PGS1: variants seen among roughly 807,000 people sequenced by gnomAD.
PGS1 encodes the protein CDP-diacylglycerol--glycerol-3-phosphate 3-phosphatidyltransferase, mitochondrial.
PGS1 carries 44 observed loss-of-function variants against 58.3 expected under a neutral mutation model. That is an observed-to-expected ratio of 0.75 (90% confidence interval 0.59 to 0.97). The LOEUF is 0.97. Ranked by LOEUF, PGS1 falls within the 50% of genes least tolerant of loss-of-function variation. The pLI, the probability that PGS1 is intolerant of heterozygous loss-of-function variation, is 0.00. For missense variants in PGS1, 684 were observed against 731.1 expected (o/e 0.94, Z 0.74); for synonymous variants, 330 against 311.0 (o/e 1.06, Z -0.64).
rs763687164 is a variant in PGS1 at position 78,400,737 on chromosome 17, CTG to C, written c.765_766del (p.Ala256GlyfsTer49). The C allele has an allele frequency of 6.2e-7, 1 of 1,613,976 alleles. No individual in the cohort carries two copies. Among genetic ancestry groups the C allele is most frequent in the Non-Finnish European group, 8.5e-7 (1 of 1,180,010 alleles). ...AGGACCGCTACGTGTTCCTGCAGGA[CTG>C]TGCGGAGATTGCCGACTTCTTCACG... ...RQDRYVFLQD[C>X]AEIADFFTEL... On this transcript the variant is annotated frameshift_variant, in exon 6 of 10. Coordinates refer to ENST00000262764, the MANE Select transcript of PGS1 (RefSeq NM_024419.5). LOFTEE classifies it high-confidence loss of function. This position sits in a 1 kb window ranked among gnomAD's most constrained non-coding sequence, Gnocchi z 4.4.
chr17:78,406,242 C>T (rs567592419), intron 7 of PGS1, among the ~76,000 whole-genome samples: 151 of 152,148 alleles, frequency 9.9e-4, no homozygotes, highest in African/African-American at 1.6e-3. Context: ...GGCGTGAACC[C>T]GGGAGGTGGA....
intron 4 of PGS1, 21 bp from the exon 5 acceptor site, chr17:78,399,327 G>C (rs529079791): frequency 3.7e-6 from 6 of 1,604,434 alleles, no homozygotes; most frequent in Non-Finnish European, 5.1e-6. Flanking sequence ...GTCAGGTGCC[G>C]TTTTCTCTGT....
At chr17:78,404,293 T>C (rs1465859487) in intron 7 of PGS1, among the ~76,000 whole-genome samples, 1 of 150,734 alleles carries the variant, frequency 6.6e-6, no homozygotes, top group Non-Finnish European at 1.5e-5. Flanking sequence ...TTTTTTTTTT[T>C]TTTTTTTTGT....
chr17:78,401,794 A>G (rs1598319859), intron 6 of PGS1, among the ~76,000 whole-genome samples: 1 of 152,306 alleles, frequency 6.6e-6, no homozygotes, highest in East Asian at 1.9e-4. Context: ...GGAGCTCTGT[A>G]TCTCTCTTGC....
At position 78,395,676 on chromosome 17, in the gene PGS1, C is replaced by T. The variant is rs891047176; in HGVS notation, c.334-632C>T. The stretch of plus-strand genomic sequence containing the variant: ...TCTGCTCATGTGTCTATATACCTGT[C>T]CATCTATGTTTCAAGAGTGATTCGT... On this transcript the variant is annotated intron_variant, in intron 2 of 9. Coordinates refer to ENST00000262764, the MANE Select transcript of PGS1 (RefSeq NM_024419.5). Among the ~76,000 whole-genome samples the T allele has an allele frequency of 2.0e-5, 3 of 152,172 alleles. 1 individual carries two copies. The highest frequency in any genetic ancestry group is 2.0e-4 in the Admixed American group (3 of 15,274).
intron 1 of PGS1, among the ~76,000 whole-genome samples, chr17:78,387,124 C>T (rs1485458292): frequency 6.6e-6 from 1 of 152,210 alleles, no homozygotes; most frequent in African/African-American, 2.4e-5. Context: ...CTGACTCAGC[C>T]TCCCGAGTAG....
intron 9 of PGS1, chr17:78,423,708 A>G (rs1340221459): frequency 1.5e-6 from 1 of 645,248 alleles, no homozygotes; most frequent in Non-Finnish European, 2.6e-6. Flanking sequence ...GAGTGGCTCC[A>G]CTGGCTTTAA....
chr17:78,379,921 C>T (rs778181886), intron 1 of PGS1, among the ~76,000 whole-genome samples: 4 of 150,236 alleles, frequency 2.7e-5, no homozygotes, highest in Admixed American at 6.6e-5. Flanking sequence ...GACTGGAGTG[C>T]AATGGCGCAA....
chr17:78,402,019 A>AG (rs2083709735), intron 6 of PGS1, among the ~76,000 whole-genome samples: 3 of 146,816 alleles, frequency 2.0e-5, no homozygotes, highest in Non-Finnish European at 4.5e-5. Flanking sequence ...TGCTTGGGAG[A>AG]ATGAGTCCAC....
At position 78,392,529 on chromosome 17, in the gene PGS1, C is replaced by T; in HGVS notation, c.197C>T (p.Thr66Ile). 2 of 1,614,128 alleles carry T rather than the reference C, an allele frequency of 1.2e-6. No individual in the cohort carries two copies. The highest frequency in any genetic ancestry group is 2.2e-5 in the South Asian group (2 of 91,080). Residue 66 changes from threonine (T) to isoleucine (I), a missense_variant, in exon 2 of 10, where the codon ACC (threonine) becomes ATC (isoleucine). Transcript: ENST00000262764. ...CTGTCCCCAGCTGTTCCCCAGGTCA[C>T]CTCCCCACCTTGCTGCCTGTGTCCA... ...PLLSPAVPQVTSPPCCLCPEG... is the reference protein window; with the variant it reads ...PLLSPAVPQVISPPCCLCPEG...
intron 6 of PGS1, among the ~76,000 whole-genome samples, chr17:78,401,259 C>T (rs567814650): frequency 1.4e-4 from 22 of 152,266 alleles, no homozygotes; most frequent in African/African-American, 4.8e-4. Flanking sequence ...CAGCAATGAA[C>T]ACGTGTGCCT....
intron 3 of PGS1, 165 bp from the exon 4 acceptor site, chr17:78,398,087 C>T (rs751309119): frequency 2.8e-6 from 2 of 706,876 alleles, no homozygotes; most frequent in African/African-American, 1.7e-5. Flanking sequence ...CATGAAGGTG[C>T]TCTCAGACAG....
intron 3 of PGS1, among the ~76,000 whole-genome samples, chr17:78,397,441 CT>C (rs111557410): frequency 8.0e-4 from 80 of 100,274 alleles, no homozygotes; most frequent in Admixed American, 1.2e-3. Context: ...AGGCCTCCCT[CT>C]TTTTTTTTTT....
In PGS1 at chr17:78,420,127, T is replaced by C. The variant is rs750028009; in HGVS notation, c.*10+452T>C. 9.8e-5 allele frequency: 101 copies of C among 1,033,616 alleles called. 1 individual carries two copies. The highest frequency in any genetic ancestry group is 2.4e-4 in the South Asian group (7 of 29,048). The allele number at this position is 1,033,616 out of a possible 1,614,324, so 64.0% of individuals were successfully genotyped here. A position where few individuals can be genotyped will look rare whatever the true frequency, so the allele number is the denominator to read the frequency against. On this transcript the variant is annotated intron_variant, in intron 9 of 9. Coordinates refer to ENST00000262764, the MANE Select transcript of PGS1 (RefSeq NM_024419.5). ...GCTCTGGCTTGCTGCCCTGGCCGGC[T>C]GTAGTGCACAGGGTGGGGCGTCGGT...
chr17:78,394,458 A>C (rs1471486925), intron 2 of PGS1, among the ~76,000 whole-genome samples: 4 of 151,748 alleles, frequency 2.6e-5, no homozygotes, highest in Non-Finnish European at 5.9e-5. Flanking sequence ...TGCTCTGCTC[A>C]CCTGTCCTTG....
At chr17:78,403,320 A>C (rs563566379) in intron 6 of PGS1, among the ~76,000 whole-genome samples, 1 of 151,730 alleles carries the variant, frequency 6.6e-6, no homozygotes. Flanking sequence ...AATTGGAATG[A>C]TACGTCGACA....
At chr17:78,386,954 G>GTGA (rs759074948) in intron 1 of PGS1, among the ~76,000 whole-genome samples, 231 of 151,200 alleles carry the variant, frequency 1.5e-3, no homozygotes, top group Middle Eastern at 0.014. Context: ...GGTGATGATG[G>GTGA]TGATGATGAT....
chr17:78,378,949 C>A, intron 1 of PGS1, 141 bp downstream of exon 1: 2 of 936,194 alleles, frequency 2.1e-6, no homozygotes, highest in Non-Finnish European at 2.9e-6. Flanking sequence ...CCTCCCGGGG[C>A]TCGGCGCCTG....
chr17:78,424,102 T>G lies in PGS1; in HGVS notation c.*52T>G. On this transcript the variant is annotated 3_prime_UTR_variant, in exon 10 of 10. Transcript: ENST00000262764. ...GATGACAGGCATGGCCGGGGTCAGC[T>G]CTTTCAGCCGCGCTTCAGCGATGAC... The G allele has an allele frequency of 6.2e-7, 1 of 1,613,798 alleles. No homozygotes were observed. The highest frequency in any genetic ancestry group is 8.5e-7 in the Non-Finnish European group (1 of 1,179,874).
Sources: gnomAD v4.1 joint callset for allele counts (sites outside exome capture counted in the v4.1 genomes callset) on GRCh38, gnomAD v4.1.1 for gene constraint, Gnocchi (gnomAD v3.1) non-coding constraint, MANE v1.5 for transcripts, NCBI Gene and HGNC (gene_info 2026-07-23, HGNC 2026-07-21) for gene names.